Variants in KCNAB1 observed in about 807,000 individuals in gnomAD.
KCNAB1 encodes voltage-gated potassium channel subunit beta-1.
Under a neutral mutation model 64.6 loss-of-function variants are expected in KCNAB1, and 35 were observed. That is an observed-to-expected ratio of 0.54 (90% CI 0.41 to 0.72). KCNAB1 has a LOEUF of 0.72. KCNAB1 is among the 30% of genes least tolerant of loss of function. The pLI is 0.00. For synonymous variants in KCNAB1, 177 were observed against 183.8 expected, an observed-to-expected ratio of 0.96 and a Z score of 0.30; for missense variants, 401 against 512.9, an observed-to-expected ratio of 0.78 and a Z score of 2.11.
At position 156,536,979 on chromosome 3, in the gene KCNAB1, T is replaced by C; in HGVS notation, c.*232T>C. 1.7e-6 allele frequency: 1 copy of C among 589,602 alleles called. No homozygotes were observed. Among genetic ancestry groups the C allele is most frequent in the East Asian group, 2.8e-5 (1 of 35,970 alleles). The allele number at this position is 589,602 out of a possible 1,614,324, so 36.5% of individuals were successfully genotyped here. A position where few individuals can be genotyped will look rare whatever the true frequency, so the allele number is the denominator to read the frequency against. ...ATCTTGGACTGGAGTCACCTATTCT[T>C]GCATTGCTGTATACACCTCATGCTT... On this transcript the variant is annotated 3_prime_UTR_variant, in exon 14 of 14. Coordinates refer to ENST00000490337, the MANE Select transcript of KCNAB1 (RefSeq NM_172160.3).
chr3:156,403,072 C>G (rs969496246), intron 1 of KCNAB1, among the ~76,000 whole-genome samples: 1 of 152,192 alleles, frequency 6.6e-6, no homozygotes, highest in Admixed American at 6.5e-5. Flanking sequence ...AAATCTATTT[C>G]TTGCTGATGG....
intron 1 of KCNAB1, among the ~76,000 whole-genome samples, chr3:156,387,632 T>G (rs568529675): frequency 6.6e-6 from 1 of 152,330 alleles, no homozygotes; most frequent in East Asian, 1.9e-4. Context: ...GAAAGGACAA[T>G]TACTAGACAG....
chr3:156,161,690 T>C (rs142787807), intron 1 of KCNAB1, among the ~76,000 whole-genome samples: 2 of 152,344 alleles, frequency 1.3e-5, no homozygotes, highest in East Asian at 3.9e-4. Flanking sequence ...GCATAATCTG[T>C]GAAGGCTGGT....
At chr3:156,286,336 T>C (rs1434098611) in intron 1 of KCNAB1, among the ~76,000 whole-genome samples, 1 of 152,246 alleles carries the variant, frequency 6.6e-6, no homozygotes. Flanking sequence ...TAATCACAAA[T>C]GATAGGCACA....
chr3:156,474,446 G>C (rs1190164609), intron 7 of KCNAB1, among the ~76,000 whole-genome samples: 2 of 152,140 alleles, frequency 1.3e-5, no homozygotes, highest in East Asian at 3.9e-4. Context: ...TTTGCTTCTG[G>C]ATATTGCCAC....
At chr3:156,218,503 A>G (rs1195275471) in intron 1 of KCNAB1, among the ~76,000 whole-genome samples, 1 of 152,144 alleles carries the variant, frequency 6.6e-6, no homozygotes, top group Non-Finnish European at 1.5e-5. Context: ...AGTTGTCCCT[A>G]GGGCAAATTT....
intron 2 of KCNAB1, among the ~76,000 whole-genome samples, chr3:156,451,818 C>T (rs994544321): frequency 6.6e-6 from 1 of 152,030 alleles, no homozygotes; most frequent in Non-Finnish European, 1.5e-5. Flanking sequence ...TCTTGCCTCT[C>T]CCTAGAATGT....
chr3:156,414,073 A>G (rs1714881601), intron 1 of KCNAB1, among the ~76,000 whole-genome samples: 1 of 152,228 alleles, frequency 6.6e-6, no homozygotes. Context: ...AGTCAGGCTC[A>G]TTCCTCAGTC....
chr3:156,137,605 C>T (rs1202832495), intron 1 of KCNAB1, among the ~76,000 whole-genome samples: 1 of 150,866 alleles, frequency 6.6e-6, no homozygotes, highest in Non-Finnish European at 1.5e-5. Flanking sequence ...CTGGAGTGCA[C>T]TTGCGCGATC....
chr3:156,166,490 T>G (rs150854459), intron 1 of KCNAB1, among the ~76,000 whole-genome samples: 1 of 152,074 alleles, frequency 6.6e-6, no homozygotes, highest in African/African-American at 2.4e-5. Flanking sequence ...AAACATGTTA[T>G]TTTTATCATT....
intron 1 of KCNAB1, among the ~76,000 whole-genome samples, chr3:156,251,660 G>C (rs927835240): frequency 6.6e-6 from 1 of 152,082 alleles, no homozygotes; most frequent in African/African-American, 2.4e-5. Context: ...GGATGATGTA[G>C]AAAGGAGATT....
upstream of KCNAB1, chr3:156,118,479 C>A: frequency 3.9e-6 from 1 of 259,604 alleles, no homozygotes; most frequent in Non-Finnish European, 7.9e-6. Context: ...CATCCAGATT[C>A]AAGGGGCTGA....
chr3:156,369,983 G>A (rs1429886653), intron 1 of KCNAB1, among the ~76,000 whole-genome samples: 1 of 152,164 alleles, frequency 6.6e-6, no homozygotes, highest in Non-Finnish European at 1.5e-5. Flanking sequence ...TTCCATTTTA[G>A]AAAGAAATAG....
chr3:156,463,642 C>G (rs377149327), intron 5 of KCNAB1, 60 bp from the exon 6 acceptor site: 155 of 1,272,574 alleles, frequency 1.2e-4, no homozygotes, highest in Non-Finnish European at 1.7e-4. Flanking sequence ...AATAATATGA[C>G]TCGGTACAAT....
chr3:156,387,091 A>G (rs1238696909), intron 1 of KCNAB1, among the ~76,000 whole-genome samples: 2 of 145,346 alleles, frequency 1.4e-5, no homozygotes, highest in African/African-American at 2.6e-5. Context: ...CTTCAAATTG[A>G]AAAGTACTAT....
intron 8 of KCNAB1, among the ~76,000 whole-genome samples, chr3:156,489,829 T>A (rs1051807945): frequency 9.2e-5 from 14 of 152,042 alleles, no homozygotes; most frequent in African/African-American, 3.1e-4. Flanking sequence ...TGCCTGCAGA[T>A]GAGTAACAAC....
chr3:156,145,621 CT>C (rs1481470283), intron 1 of KCNAB1, among the ~76,000 whole-genome samples: 4 of 152,158 alleles, frequency 2.6e-5, no homozygotes. Context: ...AAAACAACCT[CT>C]GTTAAGCCTT....
chr3:156,441,929 T>C (rs1381243022), intron 2 of KCNAB1, among the ~76,000 whole-genome samples: 1 of 152,222 alleles, frequency 6.6e-6, no homozygotes, highest in Non-Finnish European at 1.5e-5. Flanking sequence ...CTCTTGCTCA[T>C]GAATGGATCT....
intron 1 of KCNAB1, among the ~76,000 whole-genome samples, chr3:156,198,292 T>G (rs1714089015): frequency 6.6e-6 from 1 of 152,214 alleles, no homozygotes; most frequent in Admixed American, 6.5e-5. Context: ...GTTCTGTAGA[T>G]GTCTATTAGG....
Sources: allele counts gnomAD v4.1 joint callset (sites outside exome capture counted in the v4.1 genomes callset), GRCh38; gene constraint gnomAD v4.1.1; transcripts MANE v1.5; gene names NCBI Gene and HGNC (gene_info 2026-07-23, HGNC 2026-07-21).